DCDC2: variants seen among roughly 807,000 people sequenced by gnomAD.
DCDC2 encodes doublecortin domain-containing protein 2.
Under a neutral mutation model 50.2 loss-of-function variants are expected in DCDC2, and 40 were observed. The observed-to-expected ratio is 0.80, with a 90% CI of 0.62 to 1.04. The LOEUF is 1.04. Ranked by LOEUF, DCDC2 falls within the 50% of genes least tolerant of loss-of-function variation. The pLI is 0.00. For synonymous variants in DCDC2, 234 were observed against 210.6 expected, an observed-to-expected ratio of 1.11 and a Z score of -0.96; for missense variants, 570 against 581.9, an observed-to-expected ratio of 0.98 and a Z score of 0.21.
At chr6:24,380,553 C>T in the DCDC2 span, among the ~76,000 whole-genome samples, 1 of 152,156 alleles carries the variant, frequency 6.6e-6, no homozygotes, top group Non-Finnish European at 1.5e-5. Flanking sequence ...GTTGGCACTA[C>T]AATGATCATC....
At chr6:24,237,232 G>C (rs1762463627) in intron 7 of DCDC2, among the ~76,000 whole-genome samples, 1 of 151,730 alleles carries the variant, frequency 6.6e-6, no homozygotes, top group Admixed American at 6.6e-5. Flanking sequence ...GGTGGAAGGA[G>C]GGACAGAATC....
At chr6:24,329,863 CTG>C (rs1395658917) in intron 2 of DCDC2, among the ~76,000 whole-genome samples, 1 of 152,178 alleles carries the variant, frequency 6.6e-6, no homozygotes, top group Non-Finnish European at 1.5e-5. Flanking sequence ...AATGCCCACA[CTG>C]TGTTCCTTTC....
At chr6:24,262,409 T>C (rs773645612) in intron 7 of DCDC2, among the ~76,000 whole-genome samples, 31 of 152,296 alleles carry the variant, frequency 2.0e-4, no homozygotes, top group Admixed American at 4.6e-4. Context: ...TAAACTTAAA[T>C]AAACTTGAAA....
chr6:24,194,336 T>C (rs926990565), intron 8 of DCDC2, among the ~76,000 whole-genome samples: 7 of 152,324 alleles, frequency 4.6e-5, no homozygotes, highest in African/African-American at 1.7e-4. Context: ...ACTGTTTTAA[T>C]GTTCATGATG....
At chr6:24,190,293 A>G (rs926483512) in intron 8 of DCDC2, among the ~76,000 whole-genome samples, 11 of 152,138 alleles carry the variant, frequency 7.2e-5, no homozygotes. Flanking sequence ...TGGCATGAAT[A>G]TATTTAATCA....
intron 7 of DCDC2, among the ~76,000 whole-genome samples, chr6:24,219,555 C>CA (rs1762055072): frequency 2.0e-5 from 3 of 152,128 alleles, no homozygotes; most frequent in Non-Finnish European, 4.4e-5. Context: ...TAACGGGGTG[C>CA]AACTAGTGGG....
intron 7 of DCDC2, among the ~76,000 whole-genome samples, chr6:24,218,759 G>A (rs1483745735): frequency 6.6e-6 from 1 of 152,160 alleles, no homozygotes; most frequent in Admixed American, 6.5e-5. Flanking sequence ...AAAGTGCCGG[G>A]ATTAAGGCCT....
intron 7 of DCDC2, among the ~76,000 whole-genome samples, chr6:24,266,356 G>A (rs1311144057): frequency 1.3e-5 from 2 of 151,938 alleles, no homozygotes; most frequent in Non-Finnish European, 2.9e-5. Context: ...CTTCTACACA[G>A]CAAAGGAAAC....
the DCDC2 span, among the ~76,000 whole-genome samples, chr6:24,364,001 G>A: frequency 2.6e-5 from 4 of 151,940 alleles, no homozygotes; most frequent in South Asian, 2.1e-4. Context: ...CTCTTCTCAC[G>A]CAAATCTTCC....
At chr6:24,283,879 G>T (rs948869282) in intron 6 of DCDC2, among the ~76,000 whole-genome samples, 2 of 152,196 alleles carry the variant, frequency 1.3e-5, no homozygotes, top group Non-Finnish European at 2.9e-5. Context: ...TGTGCCAGGG[G>T]TTATTCTCCT....
At chr6:24,308,269 A>T (rs994516905) in intron 2 of DCDC2, among the ~76,000 whole-genome samples, 11 of 152,220 alleles carry the variant, frequency 7.2e-5, no homozygotes, top group Non-Finnish European at 1.5e-4. Flanking sequence ...TCTAAATCTC[A>T]CCAATATTAA....
intron 4 of DCDC2, among the ~76,000 whole-genome samples, chr6:24,296,306 T>A (rs1339699924): frequency 6.6e-6 from 1 of 152,092 alleles, no homozygotes; most frequent in Non-Finnish European, 1.5e-5. Context: ...TCCTTCCTTA[T>A]ACCATACACA....
chr6:24,358,124 G>A (rs1760517268), upstream of DCDC2: 2 of 572,072 alleles, frequency 3.5e-6, no homozygotes, highest in Admixed American at 3.5e-5. Context: ...GGAGAGAGGA[G>A]GACGCACACA....
chr6:24,225,901 TA>T (rs1762224360), intron 7 of DCDC2, among the ~76,000 whole-genome samples: 1 of 152,196 alleles, frequency 6.6e-6, no homozygotes, highest in African/African-American at 2.4e-5. Context: ...CAGCATATTA[TA>T]ACAAAATCTA....
In DCDC2 at chr6:24,321,539, C is replaced by G. The variant is rs375329182; in HGVS notation, c.349-19495G>C. ...AAAAATAAGAGATCTCCCTCCCTTC[C>G]TTTTTATCAGAGCATTTGCTTTAGA... On this transcript the variant is annotated intron_variant, in intron 2 of 9. Coordinates refer to ENST00000378454, the MANE Select transcript of DCDC2 (RefSeq NM_016356.5). Among the ~76,000 whole-genome samples, 103 of 152,204 alleles carry G rather than the reference C, an allele frequency of 6.8e-4. No individual in the cohort carries two copies. In the South Asian group the frequency reaches 0.016, roughly 24 times the overall value.
At chr6:24,355,176 A>G (rs1760443046) in intron 1 of DCDC2, among the ~76,000 whole-genome samples, 1 of 152,174 alleles carries the variant, frequency 6.6e-6, no homozygotes, top group Non-Finnish European at 1.5e-5. Flanking sequence ...CACTGTTATA[A>G]CAAATTCAGT....
At chr6:24,203,304 C>A (rs1761628660) in intron 8 of DCDC2, among the ~76,000 whole-genome samples, 1 of 152,152 alleles carries the variant, frequency 6.6e-6, no homozygotes, top group African/African-American at 2.4e-5. Context: ...ACCAACTGAG[C>A]AGCACAGAGT....
chr6:24,305,148 T>C (rs574784081), intron 2 of DCDC2, among the ~76,000 whole-genome samples: 3 of 152,352 alleles, frequency 2.0e-5, no homozygotes, highest in East Asian at 1.9e-4. Context: ...AAACAATATA[T>C]TGAAATTCAT....
Position 24,357,861 on chromosome 6 carries a change from G to A in DCDC2, c.-111C>T. On this transcript the variant is annotated 5_prime_UTR_variant, in exon 1 of 10. Coordinates refer to ENST00000378454, the MANE Select transcript of DCDC2 (RefSeq NM_016356.5). ...CGGGATCGCCTCCTGAAACGAACGA[G>A]AAACTGACGAATCCACAGGTGAAAG... The A allele has an allele frequency of 6.3e-7, 1 of 1,583,412 alleles. No individual in the cohort carries two copies. Among genetic ancestry groups the A allele is most frequent in the Non-Finnish European group, 8.6e-7 (1 of 1,163,992 alleles).
Sources: allele counts gnomAD v4.1 joint callset (sites outside exome capture counted in the v4.1 genomes callset), GRCh38; gene constraint gnomAD v4.1.1; transcripts MANE v1.5; gene names NCBI Gene and HGNC (gene_info 2026-07-23, HGNC 2026-07-21).